DSCAM: variants seen among roughly 807,000 people sequenced by gnomAD.
The protein encoded by DSCAM is DS cell adhesion molecule.
DSCAM carries 47 observed loss-of-function variants against 217.7 expected under a neutral mutation model. That is an observed-to-expected ratio of 0.22 (90% CI 0.17 to 0.28). DSCAM has a LOEUF of 0.28. Ranked by LOEUF, DSCAM falls within the 10% of genes least tolerant of loss-of-function variation. The pLI is 1.00. For missense variants in DSCAM, 2,080 were observed against 2,618.3 expected (o/e 0.79, Z 4.49); for synonymous variants, 1,056 against 1,015.3 (o/e 1.04, Z -0.76).
intron 16 of DSCAM, among the ~76,000 whole-genome samples, chr21:40,151,840 G>A (rs1156949753): frequency 6.6e-6 from 1 of 152,164 alleles, no homozygotes; most frequent in African/African-American, 2.4e-5. Flanking sequence ...ACAGAAGGAT[G>A]ACAGGTTGAG....
At chr21:40,238,548 G>T (rs142134983) in intron 11 of DSCAM, among the ~76,000 whole-genome samples, 18 of 152,304 alleles carry the variant, frequency 1.2e-4, no homozygotes, top group Admixed American at 7.8e-4. Flanking sequence ...CCTCTCAGAA[G>T]GAGGAAGACA....
chr21:40,551,325 G>A (rs142232937), intron 3 of DSCAM, among the ~76,000 whole-genome samples: 40 of 152,302 alleles, frequency 2.6e-4, no homozygotes, highest in Non-Finnish European at 5.3e-4. Context: ...GTTTCTGATT[G>A]ACAATTGGTT....
intron 32 of DSCAM, among the ~76,000 whole-genome samples, chr21:40,041,713 G>A (rs1236350465): frequency 2.0e-5 from 3 of 152,162 alleles, no homozygotes; most frequent in Non-Finnish European, 4.4e-5. Context: ...ACTGCTGGCT[G>A]ACTTAATGTT....
intron 11 of DSCAM, among the ~76,000 whole-genome samples, chr21:40,205,602 C>CAAA (rs35725347): frequency 6.0e-5 from 5 of 83,484 alleles, no homozygotes; most frequent in African/African-American, 1.1e-4. Context: ...GACTCTATCT[C>CAAA]AAAAAAAAAA....
chr21:40,188,785 C>CTT (rs35605811), intron 12 of DSCAM, among the ~76,000 whole-genome samples: 3,503 of 141,496 alleles, frequency 0.025, 100 homozygotes, highest in East Asian at 0.075. Flanking sequence ...TTATTTCTCA[C>CTT]TTTTTTTTTT....
chr21:40,794,717 C>T (rs1010796783), intron 1 of DSCAM, among the ~76,000 whole-genome samples: 3 of 150,534 alleles, frequency 2.0e-5, no homozygotes, highest in African/African-American at 7.3e-5. Context: ...ACCTGGATAG[C>T]TGGTCTGCAA....
chr21:40,067,284 A>C (rs73906397), intron 27 of DSCAM, among the ~76,000 whole-genome samples: 118 of 152,368 alleles, frequency 7.7e-4, no homozygotes, highest in African/African-American at 2.7e-3. Context: ...AAAACTCCTA[A>C]GTTGAACCAT....
At chr21:40,339,771 G>A (rs768080609) in intron 6 of DSCAM, among the ~76,000 whole-genome samples, 2 of 152,208 alleles carry the variant, frequency 1.3e-5, no homozygotes, top group African/African-American at 4.8e-5. Flanking sequence ...ATCCACACCC[G>A]CTCACTCCCA....
intron 20 of DSCAM, among the ~76,000 whole-genome samples, chr21:40,110,748 A>G (rs1352237115): frequency 6.6e-6 from 1 of 152,266 alleles, no homozygotes. Context: ...AAACCACAGC[A>G]TGAGAACTAC....
Position 40,190,339 on chromosome 21 carries a change from A to G in DSCAM, c.2357-1101T>C, listed in dbSNP as rs1264409516. 3.3e-5 allele frequency among the ~76,000 whole-genome samples: 5 copies of G among 152,140 alleles called. No individual in the cohort carries two copies. In the South Asian group the frequency reaches 1.0e-3, roughly 32 times the overall value. Reference sequence around the variant, plus strand: ...CTAAGCTTATCAGAAAGTGAGAGAAAAACCAGAGACCAAACACAAAAGCTG... The same window carrying G: ...CTAAGCTTATCAGAAAGTGAGAGAAGAACCAGAGACCAAACACAAAAGCTG... On this transcript the variant is annotated intron_variant, in intron 11 of 32. Coordinates refer to ENST00000400454, the MANE Select transcript of DSCAM (RefSeq NM_001389.5).
chr21:40,060,949 C>T (rs969577282), intron 28 of DSCAM, among the ~76,000 whole-genome samples: 2 of 152,054 alleles, frequency 1.3e-5, no homozygotes, highest in African/African-American at 2.4e-5. Flanking sequence ...ACAAAAAGCA[C>T]GGGCTGAAGG....
At chr21:40,487,298 TGCGTGC>T (rs2076037264) in intron 3 of DSCAM, among the ~76,000 whole-genome samples, 1 of 104,482 alleles carries the variant, frequency 9.6e-6, no homozygotes, top group Non-Finnish European at 2.0e-5. Flanking sequence ...TGTGCGTGTG[TGCGTGC>T]GTGTGTGTGT....
At chr21:40,093,387 A>T (rs1251380674) in intron 21 of DSCAM, among the ~76,000 whole-genome samples, 1 of 152,206 alleles carries the variant, frequency 6.6e-6, no homozygotes, top group African/African-American at 2.4e-5. Context: ...GAAGTGTGAT[A>T]CCTGATTTTG....
At chr21:40,634,667 G>C (rs1208527477) in intron 3 of DSCAM, among the ~76,000 whole-genome samples, 1 of 152,116 alleles carries the variant, frequency 6.6e-6, no homozygotes, top group African/African-American at 2.4e-5. Context: ...GAAATATTTG[G>C]GACATCCCAG....
chr21:40,255,835 C>T (rs1281098298), intron 11 of DSCAM, among the ~76,000 whole-genome samples: 2 of 152,172 alleles, frequency 1.3e-5, no homozygotes, highest in African/African-American at 4.8e-5. Flanking sequence ...GTCTCACAGC[C>T]ACCTGGAGCA....
chr21:40,507,180 G>C (rs1007779953), intron 3 of DSCAM, among the ~76,000 whole-genome samples: 18 of 152,148 alleles, frequency 1.2e-4, no homozygotes, highest in African/African-American at 4.3e-4. Flanking sequence ...GGGAAGCTGA[G>C]GCAGGAGAAT....
At chr21:40,482,442 G>C (rs2075991192) in intron 3 of DSCAM, among the ~76,000 whole-genome samples, 1 of 152,074 alleles carries the variant, frequency 6.6e-6, no homozygotes, top group African/African-American at 2.4e-5. Flanking sequence ...GCCCCTTCTA[G>C]ACTCAACTTT....
At chr21:40,266,635 T>TTTA (rs1233684162) in intron 11 of DSCAM, among the ~76,000 whole-genome samples, 1 of 62,628 alleles carries the variant, frequency 1.6e-5, no homozygotes, top group Non-Finnish European at 2.7e-5. Context: ...CAAAGATGTT[T>TTTA]TATATATATA....
chr21:40,726,335 TTACA>T (rs2090955426), intron 1 of DSCAM, among the ~76,000 whole-genome samples: 1 of 152,156 alleles, frequency 6.6e-6, no homozygotes, highest in Non-Finnish European at 1.5e-5. Flanking sequence ...TAGCTAATAT[TTACA>T]TAGTCATAAT....
Sources: gnomAD v4.1 joint callset for allele counts (sites outside exome capture counted in the v4.1 genomes callset) on GRCh38, gnomAD v4.1.1 for gene constraint, MANE v1.5 for transcripts, NCBI Gene and HGNC (gene_info 2026-07-23, HGNC 2026-07-21) for gene names.